The following CCDC92 variants were observed in gnomAD, a reference collection of about 807,000 sequenced individuals.
CCDC92 encodes the protein coiled-coil domain-containing protein 92.
CCDC92 carries 12 observed loss-of-function variants against 24.9 expected under a neutral mutation model. That is an observed-to-expected ratio of 0.48 (90% CI 0.31 to 0.78). The LOEUF is 0.78. CCDC92 is among the 30% of genes least tolerant of loss of function. The pLI, the probability that CCDC92 is intolerant of heterozygous loss-of-function variation, is 0.05. For synonymous variants in CCDC92, 193 were observed against 196.3 expected (o/e 0.98, Z 0.14); for missense variants, 399 against 439.4 (o/e 0.91, Z 0.82).
chr12:123,964,431 TAC>T (rs1956344825), intron 1 of CCDC92, among the ~76,000 whole-genome samples: 2 of 152,126 alleles, frequency 1.3e-5, no homozygotes. Flanking sequence ...TATAAATTAT[TAC>T]AGTTCATTCT....
intron 1 of CCDC92, among the ~76,000 whole-genome samples, chr12:123,956,602 G>C (rs1463117130): frequency 6.6e-6 from 1 of 152,166 alleles, no homozygotes; most frequent in Non-Finnish European, 1.5e-5. Context: ...TAAGTTCCAG[G>C]GGAAGGGAAA....
chr12:123,956,510 C>T (rs1027126149), intron 1 of CCDC92: 20 of 152,224 alleles, frequency 1.3e-4, no homozygotes, highest in South Asian at 2.1e-4. Flanking sequence ...AAGTTCTTCC[C>T]ACTCACAATC....
At chr12:123,942,411 C>G (rs995455196) in intron 4 of CCDC92, among the ~76,000 whole-genome samples, 3 of 152,250 alleles carry the variant, frequency 2.0e-5, no homozygotes, top group Non-Finnish European at 4.4e-5. Flanking sequence ...GTTACTCCTC[C>G]TTTTGGGTTT....
At chr12:123,939,264 CTG>C (rs1325252495) in intron 4 of CCDC92, among the ~76,000 whole-genome samples, 2 of 152,192 alleles carry the variant, frequency 1.3e-5, no homozygotes, top group African/African-American at 2.4e-5. Flanking sequence ...GGGCTTCTGT[CTG>C]TCTTGCTTTG....
rs35510464 is a variant in CCDC92 at position 123,962,158 on chromosome 12, G to GA, written c.-60+10370dup. 6.0e-4 allele frequency among the ~76,000 whole-genome samples: 90 copies of GA among 149,618 alleles called. 1 individual carries two copies. Among genetic ancestry groups the GA allele is most frequent in the Admixed American group, 3.9e-3 (59 of 15,064 alleles). On this transcript the variant is annotated intron_variant, in intron 1 of 4. Coordinates refer to ENST00000238156, the MANE Select transcript of CCDC92 (RefSeq NM_025140.3). ...CTTATTCTTGATGCTGCTGCTTGTG[G>GA]AAAAAAAAAATCAGAATAAGAGAAA...
At chr12:123,942,379 T>C (rs1955710712) in intron 4 of CCDC92, among the ~76,000 whole-genome samples, 1 of 152,258 alleles carries the variant, frequency 6.6e-6, no homozygotes, top group South Asian at 2.1e-4. Context: ...CGGGGGCGGT[T>C]CTGCCCAATG....
intron 1 of CCDC92, chr12:123,960,875 A>G (rs2138134953): frequency 6.6e-6 from 1 of 152,314 alleles, no homozygotes; most frequent in Non-Finnish European, 1.5e-5. Context: ...CAAGAGCTTA[A>G]CGTCATCATT....
intron 1 of CCDC92, chr12:123,945,283 A>T (rs1398595797): frequency 6.6e-5 from 10 of 152,216 alleles, no homozygotes; most frequent in Non-Finnish European, 1.5e-4. Flanking sequence ...GCATTCCGGC[A>T]GGAGTGAGAA....
rs189589594 is a variant in CCDC92, at chr12:123,968,289, C to G, written c.-60+4240G>C. On this transcript the variant is annotated intron_variant, in intron 1 of 4. Coordinates refer to ENST00000238156, the MANE Select transcript of CCDC92 (RefSeq NM_025140.3). ...TAATCATGAAAGTATTGATCTCGGT[C>G]GGCTCTCCAGTGTGGAAATTTGCAT... 6.9e-4 allele frequency: 103 copies of G among 149,814 alleles called. 1 individual carries two copies. The highest frequency in any genetic ancestry group is 2.3e-3 in the African/African-American group (93 of 40,664). 9.3% of individuals were successfully genotyped at this position (149,814 alleles called of 1,614,324 possible). A position where few individuals can be genotyped will look rare whatever the true frequency, so the allele number is the denominator to read the frequency against.
chr12:123,971,154 A>G (rs982840212), intron 1 of CCDC92, among the ~76,000 whole-genome samples: 3 of 152,246 alleles, frequency 2.0e-5, no homozygotes, highest in South Asian at 4.1e-4. Flanking sequence ...TACCTAAACT[A>G]AATTTACTGA....
chr12:123,948,457 G>A (rs1054624333), intron 1 of CCDC92, among the ~76,000 whole-genome samples: 36 of 152,198 alleles, frequency 2.4e-4, no homozygotes, highest in Admixed American at 1.8e-3. Flanking sequence ...CGTCCTTAAA[G>A]CGTCCCATTA....
intron 1 of CCDC92, 36 bp downstream of exon 1, chr12:123,972,493 G>C (rs1316636377): frequency 6.6e-6 from 1 of 151,568 alleles, no homozygotes; most frequent in South Asian, 2.0e-4. Context: ...CCAGGTGAGC[G>C]GGGCCGGACT....
chr12:123,945,970 T>C (rs1187120770), intron 1 of CCDC92: 1 of 170,678 alleles, frequency 5.9e-6, no homozygotes, highest in East Asian at 1.8e-4. Flanking sequence ...GGGGTGGCCT[T>C]GACGCTGGCA....
intron 1 of CCDC92, among the ~76,000 whole-genome samples, chr12:123,965,803 C>T (rs1337933195): frequency 1.3e-5 from 2 of 152,218 alleles, no homozygotes; most frequent in African/African-American, 2.4e-5. Flanking sequence ...CAGGGAAAAT[C>T]ATATGTGGGT....
At chr12:123,938,347 T>A (rs911652884) in intron 4 of CCDC92, among the ~76,000 whole-genome samples, 16 of 150,692 alleles carry the variant, frequency 1.1e-4, no homozygotes, top group African/African-American at 2.9e-4. Flanking sequence ...CCCGTCTCTC[T>A]CACACACACA....
At chr12:123,958,737 C>A (rs1470682105) in intron 1 of CCDC92, among the ~76,000 whole-genome samples, 1 of 152,214 alleles carries the variant, frequency 6.6e-6, no homozygotes, top group East Asian at 1.9e-4. Flanking sequence ...CCTCACACCG[C>A]TCTAGGATAG....
At position 123,937,516 on chromosome 12, in the gene CCDC92, G is replaced by T. The variant is rs1273028017; in HGVS notation, c.538C>A (p.Pro180Thr). The T allele has an allele frequency of 6.2e-7, 1 of 1,612,460 alleles. No homozygotes were observed. The highest frequency in any genetic ancestry group is 8.5e-7 in the Non-Finnish European group (1 of 1,180,016). Residue 180 changes from proline to threonine, a missense_variant, in exon 5 of 5, where the codon CCG becomes ACG. Pro to Thr is a conservative substitution (Grantham distance 38). Coordinates refer to ENST00000238156, the MANE Select transcript of CCDC92 (RefSeq NM_025140.3). The surrounding 1 kb of genome is among the most constrained non-coding windows in gnomAD (Gnocchi z 8.4). The stretch of plus-strand genomic sequence containing the variant: ...CTGGCCAGCACGGGGCTCCCTGACG[G>T]GCTGGCATCTGAGGTCCCGCTGGAG... ...MSSSGTSDAS[P>T]SGSPVLASYK...
In CCDC92 at chr12:123,955,664, G is replaced by C. The variant is rs538353213; in HGVS notation, c.-59-11300C>G. Among the ~76,000 whole-genome samples the C allele has an allele frequency of 9.9e-4, 150 of 151,846 alleles. 1 individual carries two copies. Among genetic ancestry groups the C allele is most frequent in the African/African-American group, 3.5e-3 (147 of 41,424 alleles). ...CTCTATACACCTTTTTTTTTGGTGGGGGGGAGACAGGGTTTCTCTATGTTG... is the reference window on the plus strand; with the variant it reads ...CTCTATACACCTTTTTTTTTGGTGGCGGGGAGACAGGGTTTCTCTATGTTG... On this transcript the variant is annotated intron_variant, in intron 1 of 4. Transcript: ENST00000238156.
In CCDC92 at chr12:123,937,712, C is replaced by T. The variant is rs766744858; in HGVS notation, c.342G>A (p.Ala114=). 9.3e-6 allele frequency: 15 copies of T among 1,614,138 alleles called. No homozygotes were observed. The East Asian group carries it at 1.1e-4, about 12-fold the overall frequency. ...TGGTGTTCTCCAGCACTGTGATCAT[C>T]GCGTTTTTCTGCTCCAGTTCTTTCA... The part of the protein sequence containing the change: ...ELLKELEQKN[A]MITVLENTIK... The change falls in exon 5 of 5, where the codon GCG becomes GCA. Residue 114 remains alanine (A), a synonymous_variant. Transcript: ENST00000238156. The surrounding 1 kb of genome is among the most constrained non-coding windows in gnomAD (Gnocchi z 8.4).
Sources: gnomAD v4.1 joint callset for allele counts (sites outside exome capture counted in the v4.1 genomes callset) on GRCh38, gnomAD v4.1.1 for gene constraint, Gnocchi (gnomAD v3.1) non-coding constraint, MANE v1.5 for transcripts, NCBI Gene and HGNC (gene_info 2026-07-23, HGNC 2026-07-21) for gene names.